The following LARGE2 variants were observed in gnomAD, a reference collection of about 807,000 sequenced individuals.
The protein encoded by LARGE2 is LARGE xylosyl- and glucuronyltransferase 2.
Under a neutral mutation model 75.3 loss-of-function variants are expected in LARGE2, and 63 were observed. The observed-to-expected ratio is 0.84, with a 90% CI of 0.68 to 1.03. The LOEUF is 1.03. LARGE2 is among the 50% of genes least tolerant of loss of function. LARGE2 has a pLI of 0.00. For missense variants in LARGE2, 925 were observed against 980.6 expected (o/e 0.94, Z 0.76); for synonymous variants, 428 against 420.1 (o/e 1.02, Z -0.23).
intron 13 of LARGE2, 103 bp downstream of exon 13, chr11:45,928,475 T>TGCCTTCTG: frequency 6.5e-7 from 1 of 1,533,028 alleles, no homozygotes; most frequent in Admixed American, 1.9e-5. Context: ...GCAACACTGT[T>TGCCTTCTG]AGAAATGTCC....
Position 45,926,227 on chromosome 11 carries a change from C to G in LARGE2, c.888C>G (p.Ile296Met), listed in dbSNP as rs1438158524. The G allele has an allele frequency of 9.9e-6, 16 of 1,613,950 alleles. No homozygotes were observed. The highest frequency in any genetic ancestry group is 1.3e-5 in the African/African-American group (1 of 74,944). Residue 296 changes from isoleucine to methionine, a missense_variant, in exon 8 of 14, where the codon ATC becomes ATG. Coordinates refer to ENST00000401752, the MANE Select transcript of LARGE2 (RefSeq NM_001300721.2). The part of the protein sequence containing the change: ...LPATSLADQD[I>M]FNAVIKEHPG... ...TGATGGGTGTCTCTGCTCAGGACAT[C>G]TTCAACGCTGTGATCAAGGAGCACC...
chr11:45,925,152 A>G (rs1221081731), intron 6 of LARGE2, among the ~76,000 whole-genome samples: 4 of 152,214 alleles, frequency 2.6e-5, no homozygotes, highest in African/African-American at 4.8e-5. Context: ...ACCAAGTGTG[A>G]GAAGGCCATG....
rs766758371 is a variant in LARGE2, at chr11:45,928,803, C to A, written c.2124C>A (p.Tyr708Ter). Residue 708 changes from tyrosine (Y) to a stop codon, truncating the protein, a stop_gained, in exon 14 of 14, where the codon TAC (tyrosine) becomes TAA (stop). Coordinates refer to ENST00000401752, the MANE Select transcript of LARGE2 (RefSeq NM_001300721.2). LOFTEE classifies it high-confidence loss of function. ...SRHHGAAALK[Y>*]LPALQQPQSP... ...ACCATGGGGCTGCTGCCCTCAAATA[C>A]CTCCCAGCCCTGCAGCAGCCCCAGA... 1 of 1,613,638 alleles carries A rather than the reference C, an allele frequency of 6.2e-7. No individual in the cohort carries two copies. The highest frequency in any genetic ancestry group is 1.1e-5 in the South Asian group (1 of 91,088).
In LARGE2 at chr11:45,922,997, G is replaced by C. The variant is rs973987559; in HGVS notation, c.115G>C (p.Gly39Arg). Residue 39 changes from glycine (G) to arginine (R), a missense_variant, in exon 2 of 14, where the codon GGC becomes CGC. Physicochemically the swap from Gly to Arg is moderately radical, Grantham distance 125. Around this residue, in one of 3 missense-constraint regions of LARGE2, gnomAD observed 453 missense variants for 460.2 expected, o/e 0.98. Transcript: ENST00000401752. Reference protein sequence around the residue: ...GDLGCERREPGGRAGAPGCFP... With the variant: ...GDLGCERREPRGRAGAPGCFP... ...CCTGGGGTGTGAGCGCCGCGAGCCT[G>C]GCGGGCGAGCGGGGGCCCCGGGATG... 1 of 1,348,538 alleles carries C rather than the reference G, an allele frequency of 7.4e-7. No individual in the cohort carries two copies. The highest frequency in any genetic ancestry group is 1.5e-5 in the African/African-American group (1 of 64,988). 83.5% of individuals were successfully genotyped at this position (1,348,538 alleles called of 1,614,324 possible). A position where few individuals can be genotyped will look rare whatever the true frequency, so the allele number is the denominator to read the frequency against.
Position 45,923,516 on chromosome 11 carries a change from G to C in LARGE2, c.329G>C (p.Arg110Pro). Residue 110 changes from arginine (R) to proline (P), a missense_variant, in exon 3 of 14, where the codon CGA (arginine) becomes CCA (proline). Physicochemically the swap from Arg to Pro is moderately radical, Grantham distance 103. Coordinates refer to ENST00000401752, the MANE Select transcript of LARGE2 (RefSeq NM_001300721.2). ...GTGTGTGCGGGGCATAACTCCAGCC[G>C]AGACGTCATCACCCTGGTGAAGTCC... The part of the protein sequence containing the change: ...AIVCAGHNSS[R>P]DVITLVKSML... 2 of 1,613,948 alleles carry C rather than the reference G, an allele frequency of 1.2e-6. No homozygotes were observed. Among genetic ancestry groups the C allele is most frequent in the Non-Finnish European group, 1.7e-6 (2 of 1,179,988 alleles).
At chr11:45,923,289 C>T in intron 2 of LARGE2, 122 bp downstream of exon 2, 2 of 1,190,632 alleles carry the variant, frequency 1.7e-6, no homozygotes, top group Non-Finnish European at 2.3e-6. Flanking sequence ...CCGGCTGGGG[C>T]GCACCTCGAA....
chr11:45,924,054 T>G, intron 3 of LARGE2, 100 bp from the exon 4 acceptor site: 1 of 1,258,104 alleles, frequency 7.9e-7, no homozygotes. Context: ...GGAAAAGCTC[T>G]TTGCAGATGG....
chr11:45,926,933 G>C, intron 10 of LARGE2, 62 bp downstream of exon 10: 1 of 1,503,152 alleles, frequency 6.7e-7, no homozygotes, highest in Non-Finnish European at 8.9e-7. Context: ...ACTTCTGAGA[G>C]GAGGTTCCAT....
chr11:45,926,144 C>A lies in LARGE2; in HGVS notation c.875C>A (p.Ala292Asp). The A allele has an allele frequency of 1.3e-6, 2 of 1,587,874 alleles. No individual in the cohort carries two copies. Among genetic ancestry groups the A allele is most frequent in the Non-Finnish European group, 1.7e-6 (2 of 1,166,846 alleles). Residue 292 changes from alanine to aspartate, a missense_variant, in exon 7 of 14, where the codon GCT becomes GAT. Physicochemically the swap from Ala to Asp is moderately radical, Grantham distance 126. Around this residue, in one of 3 missense-constraint regions of LARGE2, gnomAD observed 453 missense variants for 460.2 expected, o/e 0.98. Coordinates refer to ENST00000401752, the MANE Select transcript of LARGE2 (RefSeq NM_001300721.2). ...ELLSLPATSL[A>D]DQDIFNAVIK... Reference sequence around the variant, plus strand: ...CTTAGCCTGCCTGCCACCTCACTGGCTGACCAGGTCTGAGGAAGCCTTGCC... The same window carrying A: ...CTTAGCCTGCCTGCCACCTCACTGGATGACCAGGTCTGAGGAAGCCTTGCC...
chr11:45,926,255 G>C lies in LARGE2; in HGVS notation c.916G>C (p.Gly306Arg), dbSNP rs780017400. 1.9e-6 allele frequency: 3 copies of C among 1,614,186 alleles called. No individual in the cohort carries two copies. The highest frequency in any genetic ancestry group is 2.5e-6 in the Non-Finnish European group (3 of 1,180,026). ...IFNAVIKEHPGLVQRLPCVWN... is the reference protein window; with the variant it reads ...IFNAVIKEHPRLVQRLPCVWN... ...CAACGCTGTGATCAAGGAGCACCCG[G>C]GGCTAGTGCAGCGTCTGCCTTGTGT... Residue 306 changes from glycine (G) to arginine (R), a missense_variant, in exon 8 of 14, where the codon GGG (glycine) becomes CGG (arginine). Gly to Arg is a moderately radical substitution (Grantham distance 125). Around this residue, in one of 3 missense-constraint regions of LARGE2, gnomAD observed 453 missense variants for 460.2 expected, o/e 0.98. Transcript: ENST00000401752.
rs759348831 is a variant in LARGE2, at chr11:45,924,152, A to G, written c.369-2A>G. ...CAGGCTTCCTCTTTGCCCACCCAAA[A>G]GGAAAAATCCACTGCACCTCCACTT... On this transcript the variant is annotated splice_acceptor_variant, in intron 3 of 13. Transcript: ENST00000401752. LOFTEE classifies it high-confidence loss of function. 19 of 1,609,868 alleles carry G rather than the reference A, an allele frequency of 1.2e-5. No individual in the cohort carries two copies. The Admixed American group carries it at 1.5e-4, about 13-fold the overall frequency.
intron 2 of LARGE2, 109 bp from the exon 3 acceptor site, chr11:45,923,364 C>A: frequency 8.4e-7 from 1 of 1,194,278 alleles, no homozygotes; most frequent in Non-Finnish European, 1.2e-6. Context: ...TCCTGCTGCC[C>A]CCTCCGCACA....
chr11:45,926,058 G>A lies in LARGE2; in HGVS notation c.789G>A (p.Leu263=). Residue 263 remains leucine (L), a synonymous_variant, in exon 7 of 14, where the codon CTG becomes CTA. Coordinates refer to ENST00000401752, the MANE Select transcript of LARGE2 (RefSeq NM_001300721.2). ...GFNTGVILLR[L]DRLRQAGWEQ... The stretch of plus-strand genomic sequence containing the variant: ...TGGCAGGTGTGATCCTGCTGCGGCT[G>A]GACCGGCTCCGGCAGGCTGGCTGGG... The A allele has an allele frequency of 6.4e-7, 1 of 1,559,162 alleles. No homozygotes were observed. Among genetic ancestry groups the A allele is most frequent in the African/African-American group, 1.4e-5 (1 of 73,632 alleles).
intron 10 of LARGE2, 44 bp downstream of exon 10, chr11:45,926,915 G>A: frequency 1.9e-6 from 3 of 1,557,826 alleles, no homozygotes; most frequent in Non-Finnish European, 2.6e-6. Flanking sequence ...CATGGGCTGG[G>A]GTTGGACACT....
At position 45,928,608 on chromosome 11, in the gene LARGE2, G is replaced by A. The variant is rs535501388; in HGVS notation, c.1951-22G>A. On this transcript the variant is annotated intron_variant, in intron 13 of 13. Transcript: ENST00000401752. ...AGGCCAGGCAAGCCAGGCAGCCACT[G>A]CTCCTCTGCCCCACCCTGCAGGAAT... is the stretch of plus-strand genomic sequence containing the variant. 9 of 1,604,542 alleles carry A rather than the reference G, an allele frequency of 5.6e-6. No individual in the cohort carries two copies. The East Asian group carries it at 1.8e-4, about 32-fold the overall frequency.
chr11:45,922,600 C>T (rs2086955457), upstream of LARGE2: 1 of 263,370 alleles, frequency 3.8e-6, no homozygotes, highest in East Asian at 6.8e-5. Flanking sequence ...CGCCCCTTCG[C>T]GCTCAGCCCC....
At chr11:45,927,084 T>C (rs946500602) in intron 10 of LARGE2, among the ~76,000 whole-genome samples, 1 of 152,188 alleles carries the variant, frequency 6.6e-6, no homozygotes, top group Non-Finnish European at 1.5e-5. Context: ...TGTGGGACCA[T>C]GAGCAAGTCT....
Position 45,926,306 on chromosome 11 carries a change from A to T in LARGE2, c.967A>T (p.Thr323Ser). 1 of 1,614,212 alleles carries T rather than the reference A, an allele frequency of 6.2e-7. No individual in the cohort carries two copies. Among genetic ancestry groups the T allele is most frequent in the Non-Finnish European group, 8.5e-7 (1 of 1,180,040 alleles). ...CTGGAATGTGCAGCTGTCAGATCACACACTGGCCGAGCGCTGCTACTCTGA... is the reference window on the plus strand; with the variant it reads ...CTGGAATGTGCAGCTGTCAGATCACTCACTGGCCGAGCGCTGCTACTCTGA... The part of the protein sequence containing the change: ...CVWNVQLSDH[T>S]LAERCYSEAS... Residue 323 changes from threonine to serine, a missense_variant, in exon 8 of 14, where the codon ACA becomes TCA. Physicochemically the swap from Thr to Ser is moderately conservative, Grantham distance 58. Coordinates refer to ENST00000401752, the MANE Select transcript of LARGE2 (RefSeq NM_001300721.2).
upstream of LARGE2, chr11:45,921,793 G>A (rs749616793): frequency 6.6e-6 from 1 of 152,208 alleles, no homozygotes; most frequent in Non-Finnish European, 1.5e-5. Flanking sequence ...GAGACGGGAG[G>A]GGCCGGAGGG....
Sources: allele counts gnomAD v4.1 joint callset (sites outside exome capture counted in the v4.1 genomes callset), GRCh38; gene constraint gnomAD v4.1.1; regional missense constraint gnomAD v4.1.1; transcripts MANE v1.5; gene names NCBI Gene and HGNC (gene_info 2026-07-23, HGNC 2026-07-21).